The following STARD13 variants were observed in gnomAD, a reference collection of about 807,000 sequenced individuals.
STARD13 encodes stAR-related lipid transfer protein 13.
A neutral mutation model predicts 106.4 loss-of-function variants in STARD13; 62 were observed. The observed-to-expected ratio is 0.58, with a 90% CI of 0.48 to 0.72. The LOEUF (loss-of-function observed/expected upper bound fraction) is 0.72. STARD13 is among the 30% of genes least tolerant of loss of function. The pLI is 0.00. For missense variants in STARD13, 1,387 were observed against 1,424.0 expected (o/e 0.97, Z 0.42); for synonymous variants, 565 against 553.0 (o/e 1.02, Z -0.31).
the STARD13 span, among the ~76,000 whole-genome samples, chr13:33,518,231 C>G: frequency 2.0e-5 from 3 of 152,170 alleles, no homozygotes; most frequent in African/African-American, 7.2e-5. Context: ...CAAAATTACC[C>G]CCCATCCCAG....
At chr13:33,492,790 C>G in the STARD13 span, among the ~76,000 whole-genome samples, 1 of 152,220 alleles carries the variant, frequency 6.6e-6, no homozygotes. Context: ...TATTTCTTCG[C>G]TTTCCTAATA....
At chr13:33,651,722 T>C in the STARD13 span, among the ~76,000 whole-genome samples, 3 of 152,228 alleles carry the variant, frequency 2.0e-5, no homozygotes, top group Non-Finnish European at 4.4e-5. Flanking sequence ...TTAGGAATAT[T>C]AGCCAGACTG....
intron 2 of STARD13, 84 bp downstream of exon 2, chr13:33,167,467 T>C: frequency 7.1e-7 from 1 of 1,416,350 alleles, no homozygotes; most frequent in Non-Finnish European, 9.8e-7. Context: ...AAAAAAAATC[T>C]GGAAGTCAAA....
rs1555239822 is a variant in STARD13 at position 33,163,611 on chromosome 13, T to TATATATATAAAACATATATATATAAC, written c.323+1725_323+1726insGTTATATATATATGTTTTATATATAT. ...TCTCAAAAAAAAAAAAAAAAATATA[T>TATATATATAAAACATATATATATAAC]ATATATATATATAAAACATATATAT... On this transcript the variant is annotated intron_variant, in intron 3 of 13. Transcript: ENST00000336934. Among the ~76,000 whole-genome samples, 202 of 84,974 alleles carry TATATATATAAAACATATATATATAAC rather than the reference T, an allele frequency of 2.4e-3. 1 individual carries two copies. The highest frequency in any genetic ancestry group is 5.7e-3 in the South Asian group (11 of 1,914). The allele number at this position is 84,974 out of a possible 152,430, so 55.7% of individuals were successfully genotyped here.
At chr13:33,457,669 G>T in the STARD13 span, among the ~76,000 whole-genome samples, 1 of 152,190 alleles carries the variant, frequency 6.6e-6, no homozygotes. Flanking sequence ...AGCAGAATTG[G>T]TGTCTGCTGA....
At chr13:33,151,616 G>A (rs549321546) in intron 3 of STARD13, among the ~76,000 whole-genome samples, 1 of 152,282 alleles carries the variant, frequency 6.6e-6, no homozygotes, top group Non-Finnish European at 1.5e-5. Context: ...CCATATTGAG[G>A]GATAAGCCTG....
At chr13:33,652,060 G>A in the STARD13 span, among the ~76,000 whole-genome samples, 2 of 152,174 alleles carry the variant, frequency 1.3e-5, no homozygotes, top group Admixed American at 1.3e-4. Flanking sequence ...GTCTCTGCCT[G>A]AATTCCTGAC....
the STARD13 span, among the ~76,000 whole-genome samples, chr13:33,599,844 A>T: frequency 6.6e-6 from 1 of 152,384 alleles, no homozygotes; most frequent in African/African-American, 2.4e-5. Flanking sequence ...GATTAAGGCA[A>T]GATTAAGATC....
At chr13:33,399,230 GAC>G in the STARD13 span, among the ~76,000 whole-genome samples, 2 of 151,984 alleles carry the variant, frequency 1.3e-5, no homozygotes, top group Non-Finnish European at 2.9e-5. Context: ...TGAAATAAGC[GAC>G]ACATATAAAG....
chr13:33,138,936 C>T (rs1326832047), intron 4 of STARD13: 2 of 443,904 alleles, frequency 4.5e-6, no homozygotes, highest in African/African-American at 2.0e-5. Context: ...TTGGAAGTGG[C>T]ATTTCATGTA....
chr13:33,116,884 C>T (rs1875448970), intron 8 of STARD13, among the ~76,000 whole-genome samples: 1 of 152,206 alleles, frequency 6.6e-6, no homozygotes, highest in African/African-American at 2.4e-5. Context: ...TTTGCAGTAT[C>T]ATGGACTCCT....
the STARD13 span, among the ~76,000 whole-genome samples, chr13:33,416,120 T>C: frequency 6.6e-6 from 1 of 152,256 alleles, no homozygotes; most frequent in African/African-American, 2.4e-5. Context: ...AAGGCCATTT[T>C]CATTAATTTG....
chr13:33,520,375 C>T, the STARD13 span, among the ~76,000 whole-genome samples: 1 of 152,090 alleles, frequency 6.6e-6, no homozygotes, highest in Admixed American at 6.6e-5. Flanking sequence ...TGCTGTTTTA[C>T]ACAGACATGG....
chr13:33,591,964 TG>T, the STARD13 span, among the ~76,000 whole-genome samples: 2 of 152,232 alleles, frequency 1.3e-5, no homozygotes, highest in African/African-American at 2.4e-5. Context: ...ATGCATTACC[TG>T]TTAGAGGCTT....
At chr13:33,222,425 A>T (rs190336751) in intron 1 of STARD13, among the ~76,000 whole-genome samples, 247 of 152,318 alleles carry the variant, frequency 1.6e-3, no homozygotes, top group Non-Finnish European at 1.6e-3. Flanking sequence ...TGCACTGTAC[A>T]CTTAAAAGTG....
chr13:33,507,986 CT>C, the STARD13 span, among the ~76,000 whole-genome samples: 48 of 152,178 alleles, frequency 3.2e-4, no homozygotes, highest in Non-Finnish European at 6.2e-4. Flanking sequence ...GTAAGTGGGC[CT>C]GTGCAGTTCA....
chr13:33,490,505 G>A, the STARD13 span, among the ~76,000 whole-genome samples: 1 of 152,154 alleles, frequency 6.6e-6, no homozygotes, highest in Non-Finnish European at 1.5e-5. Context: ...AGAAAGAAGA[G>A]TAGGGGCATC....
chr13:33,493,791 TCTAA>T, the STARD13 span, among the ~76,000 whole-genome samples: 1 of 152,188 alleles, frequency 6.6e-6, no homozygotes, highest in African/African-American at 2.4e-5. Flanking sequence ...TTACTCAGCC[TCTAA>T]CTAACTCTTC....
the STARD13 span, among the ~76,000 whole-genome samples, chr13:33,629,140 C>T: frequency 1.8e-4 from 27 of 152,220 alleles, no homozygotes; most frequent in African/African-American, 6.3e-4. Flanking sequence ...CAGTTCAACT[C>T]CTCCTCTACA....
Sources: allele counts gnomAD v4.1 joint callset (sites outside exome capture counted in the v4.1 genomes callset), GRCh38; gene constraint gnomAD v4.1.1; transcripts MANE v1.5; gene names NCBI Gene and HGNC (gene_info 2026-07-23, HGNC 2026-07-21).